Variants in FMN2 observed in about 807,000 individuals in gnomAD.
FMN2 encodes the protein formin 2, also known as formin-2.
A neutral mutation model predicts 142.3 loss-of-function variants in FMN2; 51 were observed. The observed-to-expected ratio is 0.36, with a 90% CI of 0.29 to 0.45. The LOEUF (loss-of-function observed/expected upper bound fraction) is 0.45. Among genes scored for constraint, FMN2 ranks in the 20% least tolerant of loss-of-function variants. The pLI is 1.00. For synonymous variants in FMN2, 882 were observed against 869.8 expected (o/e 1.01, Z -0.25); for missense variants, 1,936 against 2,122.8 (o/e 0.91, Z 1.73).
chr1:240,289,530 T>G (rs900587352), intron 7 of FMN2, among the ~76,000 whole-genome samples: 13 of 151,738 alleles, frequency 8.6e-5, no homozygotes, highest in African/African-American at 2.9e-4. Context: ...AATAGAAATA[T>G]TATCTGGGCA....
At chr1:240,279,757 TTA>T (rs1669335499) in intron 7 of FMN2, among the ~76,000 whole-genome samples, 1 of 152,072 alleles carries the variant, frequency 6.6e-6, no homozygotes, top group South Asian at 2.1e-4. Flanking sequence ...CAAGGAAACA[TTA>T]AAGTAATTTT....
chr1:240,191,211 A>G (rs1005887753), intron 4 of FMN2, among the ~76,000 whole-genome samples: 1 of 152,240 alleles, frequency 6.6e-6, no homozygotes, highest in African/African-American at 2.4e-5. Context: ...ATCTGAGCAC[A>G]TTGGAATTTA....
intron 3 of FMN2, among the ~76,000 whole-genome samples, chr1:240,187,293 A>G (rs1023025348): frequency 2.1e-5 from 3 of 142,200 alleles, no homozygotes; most frequent in Non-Finnish European, 4.6e-5. Context: ...AAAAAAAAAG[A>G]AAAGAAAAAA....
At chr1:240,298,983 CTCTG>C (rs1233525883) in intron 8 of FMN2, among the ~76,000 whole-genome samples, 3 of 151,676 alleles carry the variant, frequency 2.0e-5, no homozygotes, top group Admixed American at 6.6e-5. Flanking sequence ...TGGAGTCTCA[CTCTG>C]TCACCCAAGC....
chr1:240,179,237 C>A (rs1416391782), intron 3 of FMN2: 1 of 151,694 alleles, frequency 6.6e-6, no homozygotes. Flanking sequence ...TTGCCTTATT[C>A]ATGAGGTCCC....
At chr1:240,273,498 A>G (rs936383194) in intron 7 of FMN2, among the ~76,000 whole-genome samples, 2 of 152,142 alleles carry the variant, frequency 1.3e-5, no homozygotes, top group Non-Finnish European at 2.9e-5. Flanking sequence ...CTTAAGCTGG[A>G]AAAACAGTGC....
chr1:240,184,799 T>G (rs1665330396), intron 3 of FMN2, among the ~76,000 whole-genome samples: 1 of 151,894 alleles, frequency 6.6e-6, no homozygotes, highest in Non-Finnish European at 1.5e-5. Flanking sequence ...TAGGGAGCTC[T>G]ATGAAAGTTG....
chr1:240,357,806 A>C (rs1261054618), intron 14 of FMN2, among the ~76,000 whole-genome samples: 1 of 151,358 alleles, frequency 6.6e-6, no homozygotes, highest in Non-Finnish European at 1.5e-5. Flanking sequence ...ACGGGTTTTC[A>C]CTCTGTTGGC....
At chr1:240,146,061 T>A (rs753668196) in intron 2 of FMN2, among the ~76,000 whole-genome samples, 14 of 151,878 alleles carry the variant, frequency 9.2e-5, no homozygotes, top group Non-Finnish European at 2.1e-4. Flanking sequence ...GGTCTACATA[T>A]GCCACGTTCA....
At chr1:240,163,918 G>A (rs1338027572) in intron 2 of FMN2, among the ~76,000 whole-genome samples, 1 of 151,902 alleles carries the variant, frequency 6.6e-6, no homozygotes, top group Non-Finnish European at 1.5e-5. Flanking sequence ...TGTCACCCAT[G>A]GTGGAGTGCG....
At chr1:240,210,132 T>C (rs1436568016) in intron 5 of FMN2, among the ~76,000 whole-genome samples, 3 of 152,308 alleles carry the variant, frequency 2.0e-5, no homozygotes, top group South Asian at 4.1e-4. Flanking sequence ...AAAAGAATAC[T>C]TTCCACCAGG....
intron 14 of FMN2, among the ~76,000 whole-genome samples, chr1:240,368,007 T>A (rs1015456223): frequency 1.3e-5 from 2 of 152,178 alleles, no homozygotes; most frequent in Non-Finnish European, 2.9e-5. Flanking sequence ...CTCTCTAATA[T>A]GCTGTACCAT....
intron 2 of FMN2, among the ~76,000 whole-genome samples, chr1:240,164,948 A>C (rs1017160586): frequency 2.0e-5 from 3 of 151,870 alleles, no homozygotes; most frequent in African/African-American, 7.3e-5. Context: ...AGAGTTCTTC[A>C]CTGTATCTTT....
intron 7 of FMN2, among the ~76,000 whole-genome samples, chr1:240,263,442 G>T (rs561241651): frequency 2.8e-4 from 43 of 152,260 alleles, no homozygotes; most frequent in African/African-American, 9.9e-4. Context: ...GCCCCCAGTA[G>T]ACTCTTATTC....
chr1:240,325,575 A>T (rs1228784571), intron 8 of FMN2, among the ~76,000 whole-genome samples: 3 of 152,204 alleles, frequency 2.0e-5, no homozygotes, highest in African/African-American at 4.8e-5. Context: ...ACTGACACAC[A>T]TGGGGCTTTT....
At chr1:240,153,175 A>T (rs1201398271) in intron 2 of FMN2, among the ~76,000 whole-genome samples, 1 of 152,014 alleles carries the variant, frequency 6.6e-6, no homozygotes, top group African/African-American at 2.4e-5. Context: ...AGTTGTTAAG[A>T]TGGAGGGTTA....
chr1:240,421,851 G>A (rs959708967), intron 15 of FMN2, among the ~76,000 whole-genome samples: 1 of 151,224 alleles, frequency 6.6e-6, no homozygotes, highest in Non-Finnish European at 1.5e-5. Flanking sequence ...TTAGGTAGCA[G>A]TGTTGTGAGG....
chr1:240,467,708 G>T (rs1422081681), intron 16 of FMN2, among the ~76,000 whole-genome samples: 3 of 152,168 alleles, frequency 2.0e-5, no homozygotes, highest in Non-Finnish European at 4.4e-5. Context: ...CACTGTTTCT[G>T]AGCATTGCTA....
intron 16 of FMN2, among the ~76,000 whole-genome samples, chr1:240,459,910 TCA>T (rs892901220): frequency 9.2e-5 from 14 of 152,136 alleles, no homozygotes; most frequent in African/African-American, 3.4e-4. Context: ...AAGTTTCGTC[TCA>T]GTTTTCATTG....
Sources: allele counts gnomAD v4.1 joint callset (sites outside exome capture counted in the v4.1 genomes callset), GRCh38; gene constraint gnomAD v4.1.1; transcripts MANE v1.5; gene names NCBI Gene and HGNC (gene_info 2026-07-23, HGNC 2026-07-21).